The following GRB10 variants were observed in gnomAD, a reference collection of about 807,000 sequenced individuals.
The protein encoded by GRB10 is growth factor receptor bound protein 10.
In GRB10, 20 loss-of-function variants were observed where a neutral mutation model predicts 80.9. The ratio of observed to expected loss-of-function variants is 0.25; its 90% CI spans 0.17 to 0.36. The LOEUF (loss-of-function observed/expected upper bound fraction) is 0.36. Among genes scored for constraint, GRB10 ranks in the 10% least tolerant of loss-of-function variants. GRB10 has a pLI of 1.00. For synonymous variants in GRB10, 291 were observed against 291.5 expected, an observed-to-expected ratio of 1.00 and a Z score of 0.02; for missense variants, 548 against 747.7, an observed-to-expected ratio of 0.73 and a Z score of 3.12.
intron 3 of GRB10, among the ~76,000 whole-genome samples, chr7:50,747,359 C>T (rs2073140278): frequency 6.6e-6 from 1 of 152,244 alleles, no homozygotes; most frequent in African/African-American, 2.4e-5. Flanking sequence ...AACAAAGGCG[C>T]TTACAGTCAA....
chr7:50,622,608 TCTGAC>T (rs2052013563), intron 8 of GRB10, among the ~76,000 whole-genome samples: 1 of 152,170 alleles, frequency 6.6e-6, no homozygotes, highest in South Asian at 2.1e-4. Context: ...TCCCAGATTA[TCTGAC>T]CTTAGTATGC....
intron 2 of GRB10, among the ~76,000 whole-genome samples, chr7:50,777,607 C>T (rs2077820572): frequency 6.6e-6 from 1 of 151,696 alleles, no homozygotes; most frequent in Non-Finnish European, 1.5e-5. Context: ...CATAAAGATA[C>T]ATGCACACCT....
At chr7:50,632,313 G>A (rs1342543195) in intron 7 of GRB10, among the ~76,000 whole-genome samples, 1 of 152,168 alleles carries the variant, frequency 6.6e-6, no homozygotes, top group East Asian at 1.9e-4. Flanking sequence ...TTAATAGCCT[G>A]CATTGTCCCA....
At chr7:50,715,803 C>T (rs2066761176) in intron 4 of GRB10, among the ~76,000 whole-genome samples, 1 of 152,190 alleles carries the variant, frequency 6.6e-6, no homozygotes. Context: ...ATTAGATGTA[C>T]CCTCTCCCCC....
At chr7:50,719,428 A>G (rs1387959595) in intron 4 of GRB10, among the ~76,000 whole-genome samples, 1 of 152,102 alleles carries the variant, frequency 6.6e-6, no homozygotes, top group Non-Finnish European at 1.5e-5. Context: ...ACAGGAACAG[A>G]AAACCAAACA....
intron 2 of GRB10, among the ~76,000 whole-genome samples, chr7:50,774,374 G>C (rs999510609): frequency 1.1e-4 from 17 of 152,226 alleles, no homozygotes; most frequent in Non-Finnish European, 2.5e-4. Context: ...CAAAATACTT[G>C]AGACTGGATA....
chr7:50,659,700 C>CCCT (rs761898591), intron 7 of GRB10, among the ~76,000 whole-genome samples: 4 of 152,206 alleles, frequency 2.6e-5, no homozygotes, highest in African/African-American at 4.8e-5. Context: ...CCAGGACAGC[C>CCCT]CCTCACCTAG....
intron 9 of GRB10, 62 bp downstream of exon 9, chr7:50,619,108 C>G: frequency 1.0e-6 from 1 of 961,846 alleles, no homozygotes; most frequent in Non-Finnish European, 1.7e-6. Context: ...ACTATGAAAC[C>G]CAAGTATAAA....
At chr7:50,752,318 G>T (rs773171311) in intron 3 of GRB10, among the ~76,000 whole-genome samples, 18 of 152,152 alleles carry the variant, frequency 1.2e-4, no homozygotes, top group Non-Finnish European at 2.2e-4. Context: ...GTCAAAAAAG[G>T]AAGGCTGAGG....
intron 5 of GRB10, among the ~76,000 whole-genome samples, chr7:50,693,821 C>T (rs1308738148): frequency 6.6e-6 from 1 of 152,064 alleles, no homozygotes; most frequent in Admixed American, 6.5e-5. Flanking sequence ...GAAGAGCAGT[C>T]TCCACTTTCA....
At chr7:50,762,613 A>C (rs1030501405) in intron 2 of GRB10, among the ~76,000 whole-genome samples, 1 of 152,240 alleles carries the variant, frequency 6.6e-6, no homozygotes, top group African/African-American at 2.4e-5. Flanking sequence ...CTGGCAACTT[A>C]TGCTCAGTAA....
At chr7:50,765,623 C>T (rs2076263238) in intron 2 of GRB10, among the ~76,000 whole-genome samples, 1 of 151,840 alleles carries the variant, frequency 6.6e-6, no homozygotes, top group Non-Finnish European at 1.5e-5. Flanking sequence ...TTGGTGGTTA[C>T]CAGAGACAGG....
At chr7:50,783,330 G>A (rs2078501364), upstream of GRB10, among the ~76,000 whole-genome samples, 1 of 152,032 alleles carries the variant, frequency 6.6e-6, no homozygotes, top group Admixed American at 6.5e-5. Context: ...GACAAAGTAG[G>A]GTCCCATTTA....
At chr7:50,601,631 T>G (rs1330957232) in intron 17 of GRB10, among the ~76,000 whole-genome samples, 4 of 151,564 alleles carry the variant, frequency 2.6e-5, no homozygotes, top group Admixed American at 2.6e-4. Flanking sequence ...TATAAAGTAA[T>G]AAGTAATTAA....
chr7:50,625,462 T>C lies in GRB10; in HGVS notation c.661+1360A>G, dbSNP rs529288699. 1.7e-3 allele frequency among the ~76,000 whole-genome samples: 253 copies of C among 152,308 alleles called. 3 individuals carry two copies. Among genetic ancestry groups the C allele is most frequent in the Middle Eastern group, 0.01 (3 of 294 alleles). On this transcript the variant is annotated intron_variant, in intron 8 of 18. Transcript: ENST00000401949. ...CTGAAGGTTTCCCACTGCTGTCTAA[T>C]TTCCAAGTTACTTGTGTGTCAACAG...
intron 5 of GRB10, among the ~76,000 whole-genome samples, chr7:50,675,897 C>G (rs1268819606): frequency 6.6e-6 from 1 of 152,168 alleles, no homozygotes; most frequent in African/African-American, 2.4e-5. Flanking sequence ...TGGCTGCACT[C>G]CTGCTCAGGG....
chr7:50,756,471 T>G (rs771565554), intron 2 of GRB10, among the ~76,000 whole-genome samples: 1 of 152,240 alleles, frequency 6.6e-6, no homozygotes, highest in South Asian at 2.1e-4. Context: ...CCTGCCTCCA[T>G]GTCAGACCTG....
intron 10 of GRB10, among the ~76,000 whole-genome samples, chr7:50,617,189 AC>A (rs2050801866): frequency 6.6e-6 from 1 of 152,228 alleles, no homozygotes; most frequent in Admixed American, 6.5e-5. Context: ...CAGAACAGAC[AC>A]ATGCTATGGT....
chr7:50,608,338 C>T (rs1309673954), intron 13 of GRB10, among the ~76,000 whole-genome samples: 6 of 152,148 alleles, frequency 3.9e-5, no homozygotes, highest in Non-Finnish European at 5.9e-5. Context: ...AGAGAATAAC[C>T]GCTAACCTTG....
Sources: allele counts gnomAD v4.1 joint callset (sites outside exome capture counted in the v4.1 genomes callset), GRCh38; gene constraint gnomAD v4.1.1; transcripts MANE v1.5; gene names NCBI Gene and HGNC (gene_info 2026-07-23, HGNC 2026-07-21).